Variants in NME4 observed in about 807,000 individuals in gnomAD.
NME4 encodes the protein nucleoside diphosphate kinase D, mitochondrial.
NME4 carries 21 observed loss-of-function variants against 16.4 expected under a neutral mutation model. The ratio of observed to expected loss-of-function variants is 1.28; its 90% CI spans 0.91 to 1.84. The LOEUF is 1.84. NME4 is among the 40% of genes most tolerant of loss of function. NME4 has a pLI of 0.00. For missense variants in NME4, 316 were observed against 261.3 expected, an observed-to-expected ratio of 1.21 and a Z score of -1.44; for synonymous variants, 132 against 107.5, an observed-to-expected ratio of 1.23 and a Z score of -1.41.
In NME4 at chr16:398,497, G is replaced by A. The variant is rs78170471; in HGVS notation, c.92-493G>A. 1,004 of 925,620 alleles carry A rather than the reference G, an allele frequency of 1.1e-3. 4 individuals carry two copies. In the African/African-American group the frequency reaches 0.016, roughly 14 times the overall value. 57.3% of individuals were successfully genotyped at this position (925,620 alleles called of 1,614,324 possible). On this transcript the variant is annotated intron_variant, in intron 1 of 4. Transcript: ENST00000219479. The stretch of plus-strand genomic sequence containing the variant: ...GTCGGGGCTTCAGACCATGTCTGTC[G>A]TCATCCAGAAGGGATGGAGTCAAAA...
chr16:398,605 G>A (rs541453739), intron 1 of NME4: 3 of 389,388 alleles, frequency 7.7e-6, no homozygotes, highest in South Asian at 2.5e-5. Context: ...CAGGGTGGTC[G>A]CTGAGCTGGG....
At position 398,110 on chromosome 16, in the gene NME4, C is replaced by T. The variant is rs538949155; in HGVS notation, c.91+797C>T. 2.0e-6 allele frequency: 3 copies of T among 1,534,178 alleles called. No individual in the cohort carries two copies. The South Asian group carries it at 3.6e-5, about 19-fold the overall frequency. On this transcript the variant is annotated intron_variant, in intron 1 of 4. Coordinates refer to ENST00000219479, the MANE Select transcript of NME4 (RefSeq NM_005009.3). ...TTCTGTGGGACATACAGGGTCTGGG[C>T]TCCTCTGGAAACCAGGGACCCGATG...
In NME4 at chr16:398,856, G is replaced by T; in HGVS notation, c.92-134G>T. The stretch of plus-strand genomic sequence containing the variant: ...GTTTGTGGCTGTGGGCACCATCCCT[G>T]TCCCTTCCAGAGTGCCCTGCATAGA... On this transcript the variant is annotated intron_variant, in intron 1 of 4. Transcript: ENST00000219479. The T allele has an allele frequency of 3.2e-6, 4 of 1,232,784 alleles. No individual in the cohort carries two copies. In the South Asian group the frequency reaches 5.6e-5, roughly 17 times the overall value. The allele number at this position is 1,232,784 out of a possible 1,614,324, so 76.4% of individuals were successfully genotyped here.
At chr16:398,234 G>C in intron 1 of NME4, 1 of 1,432,800 alleles carries the variant, frequency 7.0e-7, no homozygotes, top group African/African-American at 1.4e-5. Context: ...GGACGGCTGG[G>C]GCGGAGCTCA....
chr16:398,298 G>GC lies in NME4; in HGVS notation c.92-688dup, dbSNP rs781780887. ...GCCTTGAAACTCCACAGCAGCACAG[G>GC]CCCCGTCTCCTGGCTCGGACAGAAC... On this transcript the variant is annotated intron_variant, in intron 1 of 4. Coordinates refer to ENST00000219479, the MANE Select transcript of NME4 (RefSeq NM_005009.3). 6 of 1,351,272 alleles carry GC rather than the reference G, an allele frequency of 4.4e-6. No homozygotes were observed. The African/African-American group carries it at 8.8e-5, about 20-fold the overall frequency. The allele number at this position is 1,351,272 out of a possible 1,614,324, so 83.7% of individuals were successfully genotyped here. A position where few individuals can be genotyped will look rare whatever the true frequency, so the allele number is the denominator to read the frequency against.
chr16:399,017 C>A lies in NME4; in HGVS notation c.119C>A (p.Thr40Asn), dbSNP rs1252319562. Residue 40 changes from threonine to asparagine, a missense_variant, in exon 2 of 5, where the codon ACC (threonine) becomes AAC (asparagine). Transcript: ENST00000219479. ...SGGPSWTRERTLVAVKPDGVQ... is the reference protein window; with the variant it reads ...SGGPSWTRERNLVAVKPDGVQ... ...GGGCCCTCCTGGACCCGGGAGCGGA[C>A]CCTGGTGGCGGTGAAGCCCGATGGC... is the stretch of plus-strand genomic sequence containing the variant. The A allele has an allele frequency of 6.2e-7, 1 of 1,610,084 alleles. No individual in the cohort carries two copies. Among genetic ancestry groups the A allele is most frequent in the East Asian group, 2.2e-5 (1 of 44,874 alleles).
intron 4 of NME4, 31 bp from the exon 5 acceptor site, chr16:400,188 T>C (rs2054632254): frequency 6.2e-7 from 1 of 1,611,588 alleles, no homozygotes; most frequent in Non-Finnish European, 8.5e-7. Context: ...ACATGAAGCC[T>C]GAGCCTCACA....
chr16:398,056 C>G, intron 1 of NME4: 1 of 1,529,200 alleles, frequency 6.5e-7, no homozygotes, highest in Non-Finnish European at 8.8e-7. Flanking sequence ...TCCTCCTGGC[C>G]TGGCGGAGCC....
Position 400,484 on chromosome 16 carries a change from T to G in NME4, c.*142T>G. Reference sequence around the variant, plus strand: ...TCTGCCCCACCCCAGCCCAGAGGAGTTTGAGCCACCAACTTCAGTGCCTTT... The same window carrying G: ...TCTGCCCCACCCCAGCCCAGAGGAGGTTGAGCCACCAACTTCAGTGCCTTT... On this transcript the variant is annotated 3_prime_UTR_variant, in exon 5 of 5. Transcript: ENST00000219479. 9.5e-7 allele frequency: 1 copy of G among 1,052,426 alleles called. No individual in the cohort carries two copies. The highest frequency in any genetic ancestry group is 1.3e-6 in the Non-Finnish European group (1 of 763,290). 65.2% of individuals were successfully genotyped at this position (1,052,426 alleles called of 1,614,324 possible).
At chr16:399,542 C>G in intron 3 of NME4, 62 bp downstream of exon 3, 37 of 1,594,364 alleles carry the variant, frequency 2.3e-5, no homozygotes, top group Non-Finnish European at 3.2e-5. Flanking sequence ...TGTGTCTTTC[C>G]CCCCAGCAAA....
At chr16:398,219 G>T (rs2054589842) in intron 1 of NME4, 1 of 1,451,704 alleles carries the variant, frequency 6.9e-7, no homozygotes, top group Non-Finnish European at 9.2e-7. Context: ...GTCCCCTCCA[G>T]AGGAGGACGG....
Position 399,320 on chromosome 16 carries a change from T to G in NME4, c.226-59T>G, listed in dbSNP as rs572892703. On this transcript the variant is annotated intron_variant, in intron 2 of 4. Transcript: ENST00000219479. Reference sequence around the variant, plus strand: ...GTGCCTGAGGTCAGGGCATCACAGCTGCTGTGCTAGTGCCCACGTTTACTG... The same window carrying G: ...GTGCCTGAGGTCAGGGCATCACAGCGGCTGTGCTAGTGCCCACGTTTACTG... 9.1e-6 allele frequency: 14 copies of G among 1,534,158 alleles called. No homozygotes were observed. In the Admixed American group the frequency reaches 2.0e-4, roughly 22 times the overall value.
intron 1 of NME4, chr16:398,624 C>A (rs1391067390): frequency 5.0e-6 from 2 of 400,182 alleles, no homozygotes; most frequent in African/African-American, 2.0e-5. Context: ...GGCTGTCCCT[C>A]CCTGGACCTT....
At chr16:398,888 C>T (rs2054601392) in intron 1 of NME4, 102 bp from the exon 2 acceptor site, 3 of 1,504,914 alleles carry the variant, frequency 2.0e-6, no homozygotes, top group Non-Finnish European at 1.8e-6. Context: ...TAGAGGCAGA[C>T]ACCCTGAAGC....
Position 399,469 on chromosome 16 carries a change from G to A in NME4, c.316G>A (p.Val106Met). ...CATCCGCTACATGAGCTCTGGGCCT[G>A]TGGTGGCCATGGTACGGCAGGGCAG... is the stretch of plus-strand genomic sequence containing the variant. ...ALIRYMSSGP[V>M]VAMVWEGYNV... The change falls in exon 3 of 5, where the codon GTG (valine) becomes ATG (methionine). Residue 106 changes from valine to methionine, a missense_variant. Coordinates refer to ENST00000219479, the MANE Select transcript of NME4 (RefSeq NM_005009.3). 1 of 1,612,858 alleles carries A rather than the reference G, an allele frequency of 6.2e-7. No individual in the cohort carries two copies.
chr16:399,413 A>G lies in NME4; in HGVS notation c.260A>G (p.Asp87Gly). 6.2e-7 allele frequency: 1 copy of G among 1,612,904 alleles called. No individual in the cohort carries two copies. The highest frequency in any genetic ancestry group is 1.7e-5 in the Admixed American group (1 of 60,006). ...AGCGTCCTTGCCGAGCACTACCAGG[A>G]CCTGCGGAGGAAGCCCTTCTACCCT... ...PESVLAEHYQ[D>G]LRRKPFYPAL... The change falls in exon 3 of 5, where the codon GAC becomes GGC. Residue 87 changes from aspartate (D) to glycine (G), a missense_variant. By Grantham distance (94) the Asp-to-Gly change is moderately conservative. Transcript: ENST00000219479.
chr16:399,099 G>C lies in NME4; in HGVS notation c.201G>C (p.Thr67=). 5.6e-6 allele frequency: 9 copies of C among 1,596,416 alleles called. No homozygotes were observed. The highest frequency in any genetic ancestry group is 7.7e-6 in the Non-Finnish European group (9 of 1,175,546). The change falls in exon 2 of 5, where the codon ACG becomes ACC. Residue 67 remains threonine, a synonymous_variant. Transcript: ENST00000219479. ...AGCGCTTTGAGAGGCGGGGCTTCAC[G>C]CTGGTGGGGATGAAGATGCTGCAGG... ...VIQRFERRGF[T]LVGMKMLQAP... is the part of the protein sequence containing the mutation.
intron 1 of NME4, chr16:398,516 G>C (rs751293745): frequency 1.3e-6 from 1 of 771,786 alleles, no homozygotes; most frequent in Non-Finnish European, 1.8e-6. Flanking sequence ...AAGGGATGGA[G>C]TCAAAAGTGA....
chr16:398,213 C>T (rs2054589771), intron 1 of NME4: 1 of 1,462,562 alleles, frequency 6.8e-7, no homozygotes, highest in Non-Finnish European at 9.2e-7. Flanking sequence ...GGCAGCGTCC[C>T]CTCCAGAGGA....
Sources: gnomAD v4.1 joint callset for allele counts on GRCh38, gnomAD v4.1.1 for gene constraint, MANE v1.5 for transcripts, NCBI Gene and HGNC (gene_info 2026-07-23, HGNC 2026-07-21) for gene names.